The following SRGAP1 variants were observed in gnomAD, a reference collection of about 807,000 sequenced individuals.
The protein encoded by SRGAP1 is SLIT-ROBO Rho GTPase activating protein 1, also known as SLIT-ROBO Rho GTPase-activating protein 1.
Under a neutral mutation model 121.9 loss-of-function variants are expected in SRGAP1, and 43 were observed. The ratio of observed to expected loss-of-function variants is 0.35; its 90% CI spans 0.28 to 0.46. SRGAP1 has a LOEUF of 0.46. Ranked by LOEUF, SRGAP1 falls within the 20% of genes least tolerant of loss-of-function variation. The pLI is 1.00. For missense variants in SRGAP1, 1,102 were observed against 1,350.9 expected, an observed-to-expected ratio of 0.82 and a Z score of 2.89; for synonymous variants, 447 against 485.4, an observed-to-expected ratio of 0.92 and a Z score of 1.04.
rs757375350 is a variant in SRGAP1 at position 64,142,528 on chromosome 12, C to G, written c.3114C>G (p.Phe1038Leu). 3.1e-6 allele frequency: 5 copies of G among 1,614,208 alleles called. No individual in the cohort carries two copies. Among genetic ancestry groups the G allele is most frequent in the South Asian group, 1.1e-5 (1 of 91,076 alleles). The change falls in exon 22 of 22, where the codon TTC (phenylalanine) becomes TTG (leucine). Residue 1038 changes from phenylalanine (F) to leucine (L), a missense_variant. Coordinates refer to ENST00000355086, the MANE Select transcript of SRGAP1 (RefSeq NM_020762.4). ...CCTCCAGTGACACAATGAGTACTTT[C>G]AAGCCTATGGTGGCACCCAGAATGG... ...TSSSSDTMST[F>L]KPMVAPRMGV... is the part of the protein sequence containing the mutation.
chr12:64,095,249 A>T, intron 14 of SRGAP1, 45 bp downstream of exon 14: 1 of 1,568,016 alleles, frequency 6.4e-7, no homozygotes, highest in East Asian at 2.2e-5. Context: ...TTGAAAAGTC[A>T]TCATGTTCTG....
intron 1 of SRGAP1, among the ~76,000 whole-genome samples, chr12:63,928,860 G>A (rs761876530): frequency 5.3e-5 from 8 of 152,174 alleles, no homozygotes; most frequent in Non-Finnish European, 8.8e-5. Flanking sequence ...TAGATCCCTT[G>A]CATGTGCAGT....
rs192294453 is a variant in SRGAP1, at chr12:64,101,659, A to G, written c.1813+4284A>G. On this transcript the variant is annotated intron_variant, in intron 15 of 21. Transcript: ENST00000355086. Reference sequence around the variant, plus strand: ...ATCCACTTTGTGAGTGGTTTTGTCAATGCTCCAGGTCATACCCACAAAGTC... The same window carrying G: ...ATCCACTTTGTGAGTGGTTTTGTCAGTGCTCCAGGTCATACCCACAAAGTC... Among the ~76,000 whole-genome samples, 76 of 152,184 alleles carry G rather than the reference A, an allele frequency of 5.0e-4. 1 individual carries two copies. Among genetic ancestry groups the G allele is most frequent in the African/African-American group, 1.6e-3 (66 of 41,510 alleles).
chr12:63,989,881 T>C, intron 2 of SRGAP1, 29 bp from the exon 3 acceptor site: 1 of 1,571,818 alleles, frequency 6.4e-7, no homozygotes, highest in African/African-American at 1.4e-5. Context: ...TTGAAATGGG[T>C]GGTAATTCTG....
chr12:64,132,151 G>T (rs904588991), intron 21 of SRGAP1, among the ~76,000 whole-genome samples: 1 of 152,206 alleles, frequency 6.6e-6, no homozygotes, highest in Non-Finnish European at 1.5e-5. Flanking sequence ...TCCAGCCTGG[G>T]TGACAGACAG....
At chr12:63,859,567 C>T (rs1440137826) in intron 1 of SRGAP1, among the ~76,000 whole-genome samples, 2 of 152,014 alleles carry the variant, frequency 1.3e-5, no homozygotes, top group Admixed American at 6.6e-5. Flanking sequence ...TTGTTCTTTA[C>T]CTATTTTCTT....
chr12:63,991,492 T>TA (rs2136420079), intron 3 of SRGAP1, among the ~76,000 whole-genome samples: 1 of 152,288 alleles, frequency 6.6e-6, no homozygotes, highest in East Asian at 1.9e-4. Flanking sequence ...AAATTGAAAC[T>TA]AAGGAGCATA....
rs897356826 is a variant in SRGAP1 at position 64,146,727 on chromosome 12, C to A, written c.*4055C>A. 10 of 152,158 alleles carry A rather than the reference C, an allele frequency of 6.6e-5. No homozygotes were observed. Among genetic ancestry groups the A allele is most frequent in the African/African-American group, 2.4e-4 (10 of 41,478 alleles). 9.4% of individuals were successfully genotyped at this position (152,158 alleles called of 1,614,324 possible). On this transcript the variant is annotated 3_prime_UTR_variant, in exon 22 of 22. Coordinates refer to ENST00000355086, the MANE Select transcript of SRGAP1 (RefSeq NM_020762.4). ...CTCTACCCAGGCGTAAATAGAGCTCCCTACTCCAGACCACCTGCCACCCAC... is the reference window on the plus strand; with the variant it reads ...CTCTACCCAGGCGTAAATAGAGCTCACTACTCCAGACCACCTGCCACCCAC...
chr12:63,857,502 C>T (rs1899295269), intron 1 of SRGAP1, among the ~76,000 whole-genome samples: 1 of 152,118 alleles, frequency 6.6e-6, no homozygotes, highest in Admixed American at 6.6e-5. Context: ...CTGCCTCAGC[C>T]TCCAAAGTAG....
chr12:63,947,019 A>G (rs1229987811), intron 1 of SRGAP1, among the ~76,000 whole-genome samples: 1 of 152,180 alleles, frequency 6.6e-6, no homozygotes, highest in African/African-American at 2.4e-5. Flanking sequence ...TGATAATCAC[A>G]GATTGCTTTT....
intron 4 of SRGAP1, among the ~76,000 whole-genome samples, chr12:64,019,239 C>T (rs898663410): frequency 3.3e-5 from 5 of 152,080 alleles, no homozygotes; most frequent in Admixed American, 6.6e-5. Context: ...TCCAGCCTAT[C>T]GATTGCACCT....
intron 1 of SRGAP1, among the ~76,000 whole-genome samples, chr12:63,975,725 C>T (rs2033075283): frequency 6.6e-6 from 1 of 152,088 alleles, no homozygotes; most frequent in African/African-American, 2.4e-5. Context: ...TAAGATTTCT[C>T]CACAATGTAG....
chr12:63,862,180 A>G (rs1015750235), intron 1 of SRGAP1, among the ~76,000 whole-genome samples: 1 of 152,210 alleles, frequency 6.6e-6, no homozygotes, highest in Non-Finnish European at 1.5e-5. Flanking sequence ...GAAAATTAAA[A>G]CATTTTTAGA....
intron 3 of SRGAP1, among the ~76,000 whole-genome samples, chr12:64,008,272 T>C (rs942119134): frequency 2.0e-4 from 31 of 152,198 alleles, no homozygotes; most frequent in African/African-American, 7.5e-4. Context: ...CCATGTGCAA[T>C]TGCCCATTAG....
Position 63,886,954 on chromosome 12 carries a change from A to ACCT in SRGAP1, c.67+42081_67+42083dup, listed in dbSNP as rs568351598. Among the ~76,000 whole-genome samples the ACCT allele has an allele frequency of 2.4e-3, 358 of 151,784 alleles. 2 individuals carry two copies. The highest frequency in any genetic ancestry group is 3.6e-3 in the Non-Finnish European group (243 of 67,906). ...AATGGCGTGATCTTGGCTCACTGCA[A>ACCT]CCTCCTCCTCCTGGGTTCAAGCAAT... is the stretch of plus-strand genomic sequence containing the variant. On this transcript the variant is annotated intron_variant, in intron 1 of 21. Coordinates refer to ENST00000355086, the MANE Select transcript of SRGAP1 (RefSeq NM_020762.4).
chr12:64,061,757 T>A (rs1398375317), intron 6 of SRGAP1, among the ~76,000 whole-genome samples: 1 of 152,236 alleles, frequency 6.6e-6, no homozygotes, highest in Non-Finnish European at 1.5e-5. Context: ...TAGATTTATC[T>A]CTTCTGAACA....
chr12:63,875,018 G>T (rs892458809), intron 1 of SRGAP1, among the ~76,000 whole-genome samples: 9 of 152,088 alleles, frequency 5.9e-5, no homozygotes, highest in African/African-American at 2.2e-4. Flanking sequence ...TGGGCTCCAA[G>T]GGCCCTCCCA....
At chr12:63,971,397 G>A (rs1036415279) in intron 1 of SRGAP1, among the ~76,000 whole-genome samples, 13 of 152,220 alleles carry the variant, frequency 8.5e-5, no homozygotes, top group Admixed American at 5.2e-4. Flanking sequence ...AAGATGCTCA[G>A]TAATGTTTGT....
intron 1 of SRGAP1, among the ~76,000 whole-genome samples, chr12:63,977,314 C>A (rs544448186): frequency 6.6e-6 from 1 of 152,162 alleles, no homozygotes; most frequent in South Asian, 2.1e-4. Context: ...GAATGTAGAC[C>A]CCTTTGGTAT....
Sources: allele counts gnomAD v4.1 joint callset (sites outside exome capture counted in the v4.1 genomes callset), GRCh38; gene constraint gnomAD v4.1.1; transcripts MANE v1.5; gene names NCBI Gene and HGNC (gene_info 2026-07-23, HGNC 2026-07-21).